Variants in CLASP2 observed in about 807,000 individuals in gnomAD.
CLASP2 encodes CLIP-associating protein 2.
CLASP2 carries 47 observed loss-of-function variants against 194.4 expected under a neutral mutation model. The ratio of observed to expected loss-of-function variants is 0.24; its 90% confidence interval spans 0.19 to 0.31. The LOEUF is 0.31. CLASP2 is among the 10% of genes least tolerant of loss of function. The probability of loss-of-function intolerance (pLI) is 1.00; values close to 1 mark genes in which losing one functional copy is unlikely to be tolerated. For missense variants in CLASP2, 1,445 were observed against 1,823.6 expected, an observed-to-expected ratio of 0.79 and a Z score of 3.78; for synonymous variants, 619 against 633.5, an observed-to-expected ratio of 0.98 and a Z score of 0.34.
intron 7 of CLASP2, among the ~76,000 whole-genome samples, chr3:33,657,247 C>A (rs973991328): frequency 6.6e-6 from 1 of 152,014 alleles, no homozygotes; most frequent in Non-Finnish European, 1.5e-5. Context: ...AAGACTAATA[C>A]GCAGGAGTAT....
chr3:33,511,102 C>T (rs1032827917), intron 36 of CLASP2, among the ~76,000 whole-genome samples: 1 of 147,342 alleles, frequency 6.8e-6, no homozygotes, highest in Non-Finnish European at 1.5e-5. Context: ...GCTTGATCAT[C>T]AGTCACTATA....
At chr3:33,529,841 A>G (rs1049523519) in intron 34 of CLASP2, among the ~76,000 whole-genome samples, 1 of 151,808 alleles carries the variant, frequency 6.6e-6, no homozygotes, top group African/African-American at 2.4e-5. Context: ...AGCCGGGCGC[A>G]GTGGCGGGCG....
chr3:33,687,475 G>C (rs1288394888), intron 4 of CLASP2, among the ~76,000 whole-genome samples: 1 of 152,072 alleles, frequency 6.6e-6, no homozygotes, highest in Non-Finnish European at 1.5e-5. Flanking sequence ...TTAAAATTGT[G>C]ATTTTTTTAG....
At chr3:33,537,499 T>C (rs1211832706) in intron 33 of CLASP2, among the ~76,000 whole-genome samples, 1 of 152,208 alleles carries the variant, frequency 6.6e-6, no homozygotes, top group Non-Finnish European at 1.5e-5. Flanking sequence ...ATGGCTCATT[T>C]TGTGAAAAGT....
chr3:33,693,192 A>G (rs2091532161), intron 2 of CLASP2, among the ~76,000 whole-genome samples: 1 of 152,078 alleles, frequency 6.6e-6, no homozygotes. Flanking sequence ...TATAGATCAT[A>G]TATTTAAGAA....
intron 8 of CLASP2, among the ~76,000 whole-genome samples, chr3:33,642,186 G>A (rs2081425119): frequency 6.6e-6 from 1 of 151,786 alleles, no homozygotes; most frequent in South Asian, 2.1e-4. Flanking sequence ...TGAATCTTTC[G>A]ATCCAGCGAA....
intron 21 of CLASP2, among the ~76,000 whole-genome samples, chr3:33,591,500 A>G (rs1410129285): frequency 6.7e-6 from 1 of 150,288 alleles, no homozygotes; most frequent in Non-Finnish European, 1.5e-5. Context: ...GGCACCAGCC[A>G]CTCAAGAGGC....
intron 6 of CLASP2, among the ~76,000 whole-genome samples, chr3:33,681,227 T>C (rs2089801878): frequency 6.6e-6 from 1 of 152,114 alleles, no homozygotes; most frequent in African/African-American, 2.4e-5. Context: ...TTAACATCAC[T>C]TCTTTCTTTC....
At chr3:33,562,803 G>A (rs2062011835) in intron 27 of CLASP2, among the ~76,000 whole-genome samples, 1 of 152,128 alleles carries the variant, frequency 6.6e-6, no homozygotes, top group African/African-American at 2.4e-5. Flanking sequence ...GAGGAAACAG[G>A]GAAGCAGAGA....
chr3:33,615,705 A>AC (rs2076033175), intron 12 of CLASP2, among the ~76,000 whole-genome samples: 1 of 152,126 alleles, frequency 6.6e-6, no homozygotes, highest in South Asian at 2.1e-4. Flanking sequence ...GTGATGACAT[A>AC]CTAGAACACA....
intron 12 of CLASP2, among the ~76,000 whole-genome samples, chr3:33,614,477 T>C (rs1178117962): frequency 6.6e-6 from 1 of 152,122 alleles, no homozygotes; most frequent in Non-Finnish European, 1.5e-5. Flanking sequence ...CTGTCAAAAA[T>C]CCTTGTCCAC....
chr3:33,711,000 A>T (rs1013422316), intron 1 of CLASP2, among the ~76,000 whole-genome samples: 1 of 152,212 alleles, frequency 6.6e-6, no homozygotes, highest in African/African-American at 2.4e-5. Flanking sequence ...CTCAGCTGAC[A>T]ATGATGATTG....
intron 1 of CLASP2, among the ~76,000 whole-genome samples, chr3:33,707,972 G>A (rs1369333615): frequency 6.6e-6 from 1 of 152,150 alleles, no homozygotes; most frequent in East Asian, 1.9e-4. Context: ...TGGCAAAAGG[G>A]ACTCTGTGGA....
At chr3:33,585,808 T>TA (rs150098184) in intron 21 of CLASP2, among the ~76,000 whole-genome samples, 2,974 of 151,360 alleles carry the variant, frequency 0.02, 55 homozygotes, top group African/African-American at 0.046. Flanking sequence ...ATGACTGTAT[T>TA]AAAAAAAAAC....
chr3:33,645,051 A>G (rs2082047641), intron 7 of CLASP2, 148 bp from the exon 8 acceptor site: 5 of 792,304 alleles, frequency 6.3e-6, no homozygotes, highest in Non-Finnish European at 1.0e-5. Context: ...ATAAGCATTT[A>G]TATATTGGCT....
intron 5 of CLASP2, among the ~76,000 whole-genome samples, chr3:33,685,810 G>C (rs1476511215): frequency 2.6e-5 from 4 of 151,848 alleles, no homozygotes; most frequent in African/African-American, 9.7e-5. Context: ...GCTGGGGAGG[G>C]GGAGGGGGCG....
intron 24 of CLASP2, chr3:33,574,645 G>C (rs2064454199): frequency 2.1e-6 from 1 of 476,782 alleles, no homozygotes. Context: ...TTATTAGCAG[G>C]CTGTGTCTTT....
chr3:33,616,734 C>T (rs1364751375), intron 12 of CLASP2, among the ~76,000 whole-genome samples: 68 of 95,364 alleles, frequency 7.1e-4, no homozygotes, highest in Non-Finnish European at 1.3e-3. Context: ...ACTATACTTC[C>T]TTTTTTTTTT....
In CLASP2 at chr3:33,619,639, T is replaced by C. The variant is rs1451176596; in HGVS notation, c.1281A>G (p.Ala427=). ...ATCTGATTGCTGCACATCCAGAAGTTGCCATGACTTTTGCACTATTGGGGA... is the reference window on the plus strand; with the variant it reads ...ATCTGATTGCTGCACATCCAGAAGTCGCCATGACTTTTGCACTATTGGGGA... ...NLVPNSAKVM[A]TSGCAAIRFI... The change falls in exon 12 of 39, where the codon GCA becomes GCG. Residue 427 remains alanine, a synonymous_variant. Transcript: ENST00000682230. 1 of 1,552,922 alleles carries C rather than the reference T, an allele frequency of 6.4e-7. No individual in the cohort carries two copies. The highest frequency in any genetic ancestry group is 8.7e-7 in the Non-Finnish European group (1 of 1,147,876).
Sources: allele counts gnomAD v4.1 joint callset (sites outside exome capture counted in the v4.1 genomes callset), GRCh38; gene constraint gnomAD v4.1.1; transcripts MANE v1.5; gene names NCBI Gene and HGNC (gene_info 2026-07-23, HGNC 2026-07-21).